Variants in RALGPS2 observed in about 807,000 individuals in gnomAD.
RALGPS2 encodes the protein ras-specific guanine nucleotide-releasing factor RalGPS2.
In RALGPS2, 43 loss-of-function variants were observed where a neutral mutation model predicts 86.8. The ratio of observed to expected loss-of-function variants is 0.50; its 90% CI spans 0.39 to 0.64. The LOEUF (loss-of-function observed/expected upper bound fraction) is 0.64. RALGPS2 is among the 30% of genes least tolerant of loss of function. The pLI, the probability that RALGPS2 is intolerant of heterozygous loss-of-function variation, is 0.00. For missense variants in RALGPS2, 536 were observed against 694.6 expected (o/e 0.77, Z 2.57); for synonymous variants, 243 against 231.3 (o/e 1.05, Z -0.46).
intron 4 of RALGPS2, among the ~76,000 whole-genome samples, chr1:178,799,344 T>C (rs765026076): frequency 2.0e-5 from 3 of 151,962 alleles, no homozygotes; most frequent in Non-Finnish European, 4.4e-5. Flanking sequence ...GAACAAGTTT[T>C]TAATACAGAT....
intron 13 of RALGPS2, among the ~76,000 whole-genome samples, chr1:178,886,749 T>G (rs1659500978): frequency 6.6e-6 from 1 of 151,472 alleles, no homozygotes; most frequent in African/African-American, 2.4e-5. Context: ...GAAGGATGAG[T>G]CATCAAAGGA....
At chr1:178,741,988 T>C (rs1337686224) in intron 1 of RALGPS2, among the ~76,000 whole-genome samples, 1 of 151,434 alleles carries the variant, frequency 6.6e-6, no homozygotes, top group Non-Finnish European at 1.5e-5. Flanking sequence ...ATACAAAAAT[T>C]AGCCGGGCAT....
chr1:178,844,228 G>C (rs911969609), intron 8 of RALGPS2, among the ~76,000 whole-genome samples: 2 of 152,126 alleles, frequency 1.3e-5, no homozygotes, highest in Non-Finnish European at 2.9e-5. Context: ...ATTATGGAAA[G>C]AATATATCCA....
rs1177891506 is a variant in RALGPS2 at position 178,792,852 on chromosome 1, G to C, written c.213+7245G>C. On this transcript the variant is annotated intron_variant, in intron 4 of 19. Transcript: ENST00000367635. ...CTGTAATTACAGTGATTATAAAGAAGGGGGAAAGTTCCATCATCTATATTC... is the reference window on the plus strand; with the variant it reads ...CTGTAATTACAGTGATTATAAAGAACGGGGAAAGTTCCATCATCTATATTC... Among the ~76,000 whole-genome samples, 3 of 152,146 alleles carry C rather than the reference G, an allele frequency of 2.0e-5. 1 individual carries two copies. The highest frequency in any genetic ancestry group is 2.0e-4 in the Admixed American group (3 of 15,268).
chr1:178,784,601 C>T, intron 3 of RALGPS2, 79 bp downstream of exon 3: 1 of 1,096,786 alleles, frequency 9.1e-7, no homozygotes, highest in Non-Finnish European at 1.3e-6. Context: ...TTTGTAGGTC[C>T]AGCAAAAGAG....
rs945451154 is a variant in RALGPS2, at chr1:178,867,352, C to T, written c.608-10146C>T. On this transcript the variant is annotated intron_variant, in intron 8 of 19. Coordinates refer to ENST00000367635, the MANE Select transcript of RALGPS2 (RefSeq NM_152663.5). The stretch of plus-strand genomic sequence containing the variant: ...GTCACACAGGTTCATAGTGATGGAG[C>T]GAGAATTTGAATCCAGGCTGAAGAC... Among the ~76,000 whole-genome samples the T allele has an allele frequency of 8.5e-5, 13 of 152,120 alleles. No homozygotes were observed. The South Asian group carries it at 1.5e-3, about 17-fold the overall frequency.
intron 1 of RALGPS2, among the ~76,000 whole-genome samples, chr1:178,752,949 A>G (rs187140452): frequency 6.6e-6 from 1 of 152,216 alleles, no homozygotes. Context: ...GTTCATTAAT[A>G]TGGACTCTGC....
At chr1:178,764,757 T>A (rs746185684) in intron 1 of RALGPS2, among the ~76,000 whole-genome samples, 1 of 152,134 alleles carries the variant, frequency 6.6e-6, no homozygotes, top group African/African-American at 2.4e-5. Flanking sequence ...GGTTGGAAAG[T>A]TTTTTCTTTA....
chr1:178,782,171 GAGCCACGTAAACC>G (rs1653426014), intron 2 of RALGPS2, among the ~76,000 whole-genome samples: 1 of 152,180 alleles, frequency 6.6e-6, no homozygotes, highest in African/African-American at 2.4e-5. Context: ...GAAGTCAGTG[GAGCCACGTAAACC>G]CTAATTGATG....
chr1:178,856,420 T>TTTTTTTG (rs1657587534), intron 8 of RALGPS2, among the ~76,000 whole-genome samples: 1 of 120,566 alleles, frequency 8.3e-6, no homozygotes, highest in African/African-American at 3.5e-5. Context: ...TTTTTTTTTT[T>TTTTTTTG]TTTTTTGAGA....
chr1:178,747,160 T>C (rs1651383487), intron 1 of RALGPS2: 3 of 1,011,774 alleles, frequency 3.0e-6, no homozygotes, highest in Non-Finnish European at 3.2e-6. Flanking sequence ...GACAAGTGTC[T>C]ACCAGAGAGA....
chr1:178,770,437 T>A (rs1316270754), intron 1 of RALGPS2, among the ~76,000 whole-genome samples: 1 of 152,164 alleles, frequency 6.6e-6, no homozygotes, highest in East Asian at 1.9e-4. Context: ...TATCATTCAC[T>A]TTATTTTCTC....
At chr1:178,865,370 T>C in intron 8 of RALGPS2, 1 of 1,614,120 alleles carries the variant, frequency 6.2e-7, no homozygotes, top group Non-Finnish European at 8.5e-7. Context: ...ATGTAATAAT[T>C]GCATATAGAG....
intron 1 of RALGPS2, chr1:178,747,316 A>G (rs1386646433): frequency 4.9e-5 from 75 of 1,532,550 alleles, no homozygotes; most frequent in Non-Finnish European, 6.2e-5. Flanking sequence ...GCCAAGTAGT[A>G]TAATGAAAGT....
chr1:178,898,939 G>A (rs1660053662), intron 17 of RALGPS2, among the ~76,000 whole-genome samples: 1 of 151,908 alleles, frequency 6.6e-6, no homozygotes, highest in African/African-American at 2.4e-5. Flanking sequence ...TGTTCTCAAA[G>A]TGAGAAAAAG....
chr1:178,774,830 A>C (rs530533523), intron 1 of RALGPS2, among the ~76,000 whole-genome samples: 50 of 152,328 alleles, frequency 3.3e-4, no homozygotes, highest in South Asian at 1.0e-3. Flanking sequence ...TATCTGAATA[A>C]ATTAAGATAA....
At chr1:178,863,995 C>T (rs12134176) in intron 8 of RALGPS2, among the ~76,000 whole-genome samples, 6,865 of 152,130 alleles carry the variant, frequency 0.045, 157 homozygotes, top group Non-Finnish European at 0.057. Flanking sequence ...TTTATTTACT[C>T]GTTGCTTTGG....
chr1:178,864,912 T>C, intron 8 of RALGPS2: 1 of 1,316,996 alleles, frequency 7.6e-7, no homozygotes, highest in East Asian at 2.5e-5. Context: ...CATAAAAATA[T>C]AAACCTCATA....
chr1:178,896,730 C>T (rs1162383530), intron 16 of RALGPS2, among the ~76,000 whole-genome samples: 28 of 143,426 alleles, frequency 2.0e-4, no homozygotes, highest in Non-Finnish European at 2.7e-4. Context: ...TTTGTTCTTG[C>T]GATAGTTTAC....
Sources: allele counts gnomAD v4.1 joint callset (sites outside exome capture counted in the v4.1 genomes callset), GRCh38; gene constraint gnomAD v4.1.1; transcripts MANE v1.5; gene names NCBI Gene and HGNC (gene_info 2026-07-23, HGNC 2026-07-21).